The following ARHGAP28 variants were observed in gnomAD, a reference collection of about 807,000 sequenced individuals.
ARHGAP28 encodes Rho GTPase activating protein 28.
In ARHGAP28, 56 loss-of-function variants were observed where a neutral mutation model predicts 90.7. The ratio of observed to expected loss-of-function variants is 0.62; its 90% CI spans 0.50 to 0.77. The LOEUF is 0.77. Ranked by LOEUF, ARHGAP28 falls within the 30% of genes least tolerant of loss-of-function variation. The probability of loss-of-function intolerance (pLI) is 0.00; values close to 1 mark genes in which losing one functional copy is unlikely to be tolerated. For synonymous variants in ARHGAP28, 308 were observed against 323.3 expected, an observed-to-expected ratio of 0.95 and a Z score of 0.51; for missense variants, 869 against 900.9, an observed-to-expected ratio of 0.96 and a Z score of 0.45.
At chr18:6,756,191 C>T (rs1313114376) in intron 1 of ARHGAP28, among the ~76,000 whole-genome samples, 3 of 152,150 alleles carry the variant, frequency 2.0e-5, no homozygotes, top group Non-Finnish European at 4.4e-5. Flanking sequence ...ATGATGACTG[C>T]AATATAGATC....
At chr18:6,837,493 A>G in intron 3 of ARHGAP28, 79 bp downstream of exon 3, 1 of 1,024,570 alleles carries the variant, frequency 9.8e-7, no homozygotes, top group Non-Finnish European at 1.5e-6. Context: ...GGGTGGAAAA[A>G]ATATCAGAAA....
intron 11 of ARHGAP28, 49 bp from the exon 12 acceptor site, chr18:6,887,108 A>G: frequency 1.3e-6 from 2 of 1,506,648 alleles, no homozygotes; most frequent in Non-Finnish European, 1.8e-6. Flanking sequence ...TGCTGTCAGG[A>G]TGCATCAGGG....
chr18:6,746,692 CA>C (rs2056026224), intron 1 of ARHGAP28, among the ~76,000 whole-genome samples: 1 of 152,170 alleles, frequency 6.6e-6, no homozygotes, highest in South Asian at 2.1e-4. Flanking sequence ...AGAGTCCAGA[CA>C]ATTCAGTCTT....
At chr18:6,763,703 G>T (rs2056179595) in intron 1 of ARHGAP28, among the ~76,000 whole-genome samples, 1 of 152,148 alleles carries the variant, frequency 6.6e-6, no homozygotes, top group African/African-American at 2.4e-5. Flanking sequence ...ACAAATATGT[G>T]CTGGGTGCTC....
At chr18:6,760,833 G>A (rs754621148) in intron 1 of ARHGAP28, among the ~76,000 whole-genome samples, 1 of 152,116 alleles carries the variant, frequency 6.6e-6, no homozygotes, top group African/African-American at 2.4e-5. Context: ...TTCAAGAGGA[G>A]GAAACACAAA....
chr18:6,760,890 C>G (rs1456564743), intron 1 of ARHGAP28, among the ~76,000 whole-genome samples: 1 of 152,086 alleles, frequency 6.6e-6, no homozygotes, highest in Non-Finnish European at 1.5e-5. Flanking sequence ...ACTGATTTTA[C>G]CTGGGTGTAA....
chr18:6,755,040 C>G (rs1286295903), intron 1 of ARHGAP28, among the ~76,000 whole-genome samples: 1 of 152,014 alleles, frequency 6.6e-6, no homozygotes, highest in Non-Finnish European at 1.5e-5. Context: ...GTAATCCCAG[C>G]TACTTGTCTG....
chr18:6,818,519 C>G (rs1453854997), intron 1 of ARHGAP28, among the ~76,000 whole-genome samples: 1 of 152,082 alleles, frequency 6.6e-6, no homozygotes, highest in Non-Finnish European at 1.5e-5. Context: ...ATAGACCCCC[C>G]CAAAACAAAG....
At chr18:6,870,510 T>A (rs2057075166) in intron 6 of ARHGAP28, 80 bp from the exon 7 acceptor site, 1 of 1,391,936 alleles carries the variant, frequency 7.2e-7, no homozygotes, top group Admixed American at 2.1e-5. Flanking sequence ...TTGTAAATAT[T>A]TTGAATTTGT....
chr18:6,908,460 G>A (rs1395286029), intron 16 of ARHGAP28, among the ~76,000 whole-genome samples: 1 of 152,162 alleles, frequency 6.6e-6, no homozygotes, highest in Non-Finnish European at 1.5e-5. Flanking sequence ...TTATTATGGG[G>A]CAGAGACTTG....
At chr18:6,861,898 G>A (rs2143410129) in intron 5 of ARHGAP28, among the ~76,000 whole-genome samples, 1 of 152,262 alleles carries the variant, frequency 6.6e-6, no homozygotes, top group African/African-American at 2.4e-5. Flanking sequence ...GGTCTTGTGT[G>A]GCAGTTATAG....
At chr18:6,854,187 T>TTCTCTC (rs919186097) in intron 4 of ARHGAP28, among the ~76,000 whole-genome samples, 2 of 151,368 alleles carry the variant, frequency 1.3e-5, no homozygotes, top group Non-Finnish European at 2.9e-5. Flanking sequence ...ATAGTAGAAT[T>TTCTCTC]TCTCTCTCTC....
At chr18:6,767,360 A>C (rs2056207712) in intron 1 of ARHGAP28, among the ~76,000 whole-genome samples, 1 of 152,222 alleles carries the variant, frequency 6.6e-6, no homozygotes, top group African/African-American at 2.4e-5. Context: ...AAGAAATCAA[A>C]ATAAGAAAAT....
intron 11 of ARHGAP28, 101 bp from the exon 12 acceptor site, chr18:6,887,056 G>C: frequency 9.8e-7 from 1 of 1,020,996 alleles, no homozygotes; most frequent in East Asian, 2.5e-5. Flanking sequence ...ACCACCAAAA[G>C]CTGTCAGGAG....
intron 1 of ARHGAP28, among the ~76,000 whole-genome samples, chr18:6,806,663 C>T (rs955012770): frequency 3.3e-5 from 5 of 151,788 alleles, no homozygotes; most frequent in African/African-American, 7.3e-5. Flanking sequence ...TTTAAGTAAT[C>T]GGAAAATAAT....
chr18:6,861,345 ATT>A (rs1180572080), intron 5 of ARHGAP28, among the ~76,000 whole-genome samples: 1 of 152,160 alleles, frequency 6.6e-6, no homozygotes, highest in Non-Finnish European at 1.5e-5. Flanking sequence ...ACAGAAACTC[ATT>A]GTTATCTTCT....
chr18:6,821,381 G>A (rs185518204), intron 1 of ARHGAP28, among the ~76,000 whole-genome samples: 5 of 152,108 alleles, frequency 3.3e-5, no homozygotes, highest in Non-Finnish European at 7.4e-5. Flanking sequence ...CATTCAATTT[G>A]TCATGTAATA....
chr18:6,807,702 A>C (rs976472764), intron 1 of ARHGAP28, among the ~76,000 whole-genome samples: 1 of 152,128 alleles, frequency 6.6e-6, no homozygotes, highest in African/African-American at 2.4e-5. Context: ...GACTGAGGGT[A>C]GTTTCCATAT....
intron 1 of ARHGAP28, among the ~76,000 whole-genome samples, chr18:6,788,333 G>A (rs891809717): frequency 3.9e-5 from 6 of 152,124 alleles, no homozygotes; most frequent in African/African-American, 7.2e-5. Context: ...CCCAGAAGCC[G>A]AGCAGATGCC....
Sources: allele counts gnomAD v4.1 joint callset (sites outside exome capture counted in the v4.1 genomes callset), GRCh38; gene constraint gnomAD v4.1.1; transcripts MANE v1.5; gene names NCBI Gene and HGNC (gene_info 2026-07-23, HGNC 2026-07-21).